The following MYT1L variants were observed in gnomAD, a reference collection of about 807,000 sequenced individuals.
MYT1L encodes myelin transcription factor 1-like protein.
Under a neutral mutation model 126.7 loss-of-function variants are expected in MYT1L, and 12 were observed. That is an observed-to-expected ratio of 0.09 (90% CI 0.06 to 0.15). The LOEUF (loss-of-function observed/expected upper bound fraction) is 0.15, where lower values mean the gene tolerates loss of function less well. Ranked by LOEUF, MYT1L falls within the 10% of genes least tolerant of loss-of-function variation. The probability of loss-of-function intolerance (pLI) is 1.00; values close to 1 mark genes in which losing one functional copy is unlikely to be tolerated. For missense variants in MYT1L, 979 were observed against 1,585.2 expected, an observed-to-expected ratio of 0.62 and a Z score of 6.49; for synonymous variants, 541 against 604.2, an observed-to-expected ratio of 0.90 and a Z score of 1.53.
intron 8 of MYT1L, among the ~76,000 whole-genome samples, chr2:1,975,217 CACT>C (rs1010863805): frequency 1.1e-5 from 1 of 88,402 alleles, no homozygotes; most frequent in Non-Finnish European, 2.1e-5. Context: ...CCCAGAACAC[CACT>C]GAGGAGGCGT....
At position 2,202,872 on chromosome 2, in the gene MYT1L, A is replaced by G. The variant is rs1270252752; in HGVS notation, c.-420-29884T>C. Among the ~76,000 whole-genome samples, 4 of 152,216 alleles carry G rather than the reference A, an allele frequency of 2.6e-5. No individual in the cohort carries two copies. The East Asian group carries it at 7.7e-4, about 29-fold the overall frequency. ...GATGAACATTGATGCAAAAATCCTC[A>G]ATAAAATACTGGCAAACCGAATCCA... On this transcript the variant is annotated intron_variant, in intron 2 of 24. Coordinates refer to ENST00000647738, the MANE Select transcript of MYT1L (RefSeq NM_001303052.2).
At chr2:2,246,159 T>A (rs765377025) in intron 2 of MYT1L, among the ~76,000 whole-genome samples, 2 of 152,142 alleles carry the variant, frequency 1.3e-5, no homozygotes, top group Non-Finnish European at 2.9e-5. Context: ...TGGTATGTTT[T>A]CCTGCAACTG....
At chr2:1,933,086 T>C (rs1399448714) in intron 9 of MYT1L, among the ~76,000 whole-genome samples, 3 of 151,696 alleles carry the variant, frequency 2.0e-5, no homozygotes, top group African/African-American at 7.3e-5. Flanking sequence ...CATCATCCTG[T>C]GGATGAAGGG....
intron 18 of MYT1L, among the ~76,000 whole-genome samples, chr2:1,868,012 GC>G (rs1414565094): frequency 6.6e-6 from 1 of 151,152 alleles, no homozygotes; most frequent in Non-Finnish European, 1.5e-5. Flanking sequence ...CTGTCACCAG[GC>G]TGGAGTGCAG....
chr2:1,922,907 T>C lies in MYT1L; in HGVS notation c.862A>G (p.Ser288Gly). ...TTTCTACTGTCTTGCTGCGACATGC[T>C]GTCTGCATAATTTCTGTCATTCATG... Reference protein sequence around the residue: ...ENMNDRNYADSMSQQDSRNMN... With the variant: ...ENMNDRNYADGMSQQDSRNMN... The change falls in exon 10 of 25, where the codon AGC becomes GGC. Residue 288 changes from serine to glycine, a missense_variant. Physicochemically the swap from Ser to Gly is moderately conservative, Grantham distance 56. Coordinates refer to ENST00000647738, the MANE Select transcript of MYT1L (RefSeq NM_001303052.2). This position sits in a 1 kb window ranked among gnomAD's most constrained non-coding sequence, Gnocchi z 7.4. 3.7e-6 allele frequency: 6 copies of C among 1,614,084 alleles called. No homozygotes were observed. Among genetic ancestry groups the C allele is most frequent in the Non-Finnish European group, 4.2e-6 (5 of 1,179,910 alleles).
intron 23 of MYT1L, among the ~76,000 whole-genome samples, chr2:1,797,584 A>C (rs1026158546): frequency 1.3e-5 from 2 of 152,190 alleles, no homozygotes; most frequent in African/African-American, 4.8e-5. Context: ...CTTCTTTTCA[A>C]GCTGCCAAGC....
intron 2 of MYT1L, among the ~76,000 whole-genome samples, chr2:2,220,783 T>C: frequency 6.6e-6 from 1 of 152,042 alleles, no homozygotes; most frequent in East Asian, 1.9e-4. Context: ...ATAAAATCCA[T>C]CTGATGAGAA....
At chr2:2,037,985 T>C (rs2067077220) in intron 4 of MYT1L, among the ~76,000 whole-genome samples, 1 of 152,214 alleles carries the variant, frequency 6.6e-6, no homozygotes, top group African/African-American at 2.4e-5. Flanking sequence ...GTTGTGTCCA[T>C]GTCTTGCTTT....
At chr2:2,217,483 G>A (rs1171958547) in intron 2 of MYT1L, among the ~76,000 whole-genome samples, 1 of 151,940 alleles carries the variant, frequency 6.6e-6, no homozygotes, top group Non-Finnish European at 1.5e-5. Context: ...AGAAATTGAA[G>A]GCCAGCCTGG....
chr2:1,870,922 T>C (rs923497506), intron 18 of MYT1L, among the ~76,000 whole-genome samples: 2 of 152,222 alleles, frequency 1.3e-5, no homozygotes, highest in Non-Finnish European at 2.9e-5. Context: ...CCACTGGGCA[T>C]CTGGACCATC....
At chr2:1,837,319 C>T (rs897461749) in intron 21 of MYT1L, among the ~76,000 whole-genome samples, 5 of 152,190 alleles carry the variant, frequency 3.3e-5, no homozygotes, top group Non-Finnish European at 7.3e-5. Context: ...CAGAAATGCT[C>T]ACGTGAGAGG....
Position 2,045,970 on chromosome 2 carries a change from G to A in MYT1L, c.-158+8008C>T, listed in dbSNP as rs570368886. On this transcript the variant is annotated intron_variant, in intron 4 of 24. Transcript: ENST00000647738. ...TGGGGTCCTTAGCTCCTCCAGGGCC[G>A]CTGTCGTCTTCTGTATCTTTGGGAC... Among the ~76,000 whole-genome samples, 12 of 152,272 alleles carry A rather than the reference G, an allele frequency of 7.9e-5. No homozygotes were observed. In the South Asian group the frequency reaches 1.5e-3, roughly 18 times the overall value.
chr2:2,157,273 A>G (rs2086885960), intron 3 of MYT1L, among the ~76,000 whole-genome samples: 1 of 152,240 alleles, frequency 6.6e-6, no homozygotes, highest in Non-Finnish European at 1.5e-5. Context: ...ATATATAGAT[A>G]TAAGGCATTA....
Position 1,829,704 on chromosome 2 carries a change from T to C in MYT1L, c.3080+9445A>G, listed in dbSNP as rs74169688. 2.9e-4 allele frequency among the ~76,000 whole-genome samples: 32 copies of C among 111,440 alleles called. No homozygotes were observed. The South Asian group carries it at 4.6e-3, about 16-fold the overall frequency. 73.1% of individuals were successfully genotyped at this position (111,440 alleles called of 152,430 possible). ...ATTGACCCTCCCATACACCTGTGAA[T>C]TGACCCTCCCATACACCTGTGAATT... On this transcript the variant is annotated intron_variant, in intron 21 of 24. Transcript: ENST00000647738.
chr2:2,017,357 T>C (rs938107248), intron 4 of MYT1L, among the ~76,000 whole-genome samples: 22 of 152,232 alleles, frequency 1.4e-4, no homozygotes, highest in Admixed American at 9.8e-4. Flanking sequence ...GGCTTTGTGA[T>C]TGATAACAAG....
chr2:2,188,265 T>A (rs1293500654), intron 2 of MYT1L, among the ~76,000 whole-genome samples: 1 of 152,194 alleles, frequency 6.6e-6, no homozygotes. Flanking sequence ...CAAAACAACA[T>A]GAATTCGGAA....
At position 2,270,305 on chromosome 2, in the gene MYT1L, C is replaced by A. The variant is rs370877566; in HGVS notation, c.-421+14099G>T. Among the ~76,000 whole-genome samples the A allele has an allele frequency of 5.1e-4, 77 of 152,310 alleles. 1 individual carries two copies. In the South Asian group the frequency reaches 0.016, roughly 31 times the overall value. ...TGGTGCCTTGTGGCAGCAGCCTGGG[C>A]AGCCTCACACAATGTTTGTAGACAG... On this transcript the variant is annotated intron_variant, in intron 2 of 24. Transcript: ENST00000647738.
intron 4 of MYT1L, among the ~76,000 whole-genome samples, chr2:2,004,655 GTGCC>G (rs2062962433): frequency 1.8e-5 from 1 of 54,766 alleles, no homozygotes; most frequent in Non-Finnish European, 3.5e-5. Flanking sequence ...TCTTTCCTGC[GTGCC>G]TTCTTTCCTG....
At chr2:2,209,001 C>T (rs1339548684) in intron 2 of MYT1L, among the ~76,000 whole-genome samples, 1 of 104,540 alleles carries the variant, frequency 9.6e-6, no homozygotes, top group Non-Finnish European at 2.1e-5. Context: ...GAGGCATTTA[C>T]ACACACACAC....
Sources: gnomAD v4.1 joint callset for allele counts (sites outside exome capture counted in the v4.1 genomes callset) on GRCh38, gnomAD v4.1.1 for gene constraint, Gnocchi (gnomAD v3.1) non-coding constraint, MANE v1.5 for transcripts, NCBI Gene and HGNC (gene_info 2026-07-23, HGNC 2026-07-21) for gene names.